Variants in FILIP1L observed in about 807,000 individuals in gnomAD.
FILIP1L encodes the protein filamin A-interacting protein 1-like.
FILIP1L carries 55 observed loss-of-function variants against 96.6 expected under a neutral mutation model. That is an observed-to-expected ratio of 0.57 (90% confidence interval 0.46 to 0.71). FILIP1L has a LOEUF of 0.71. FILIP1L is among the 30% of genes least tolerant of loss of function. The pLI is 0.00. For missense variants in FILIP1L, 1,304 were observed against 1,321.2 expected (o/e 0.99, Z 0.20); for synonymous variants, 467 against 473.9 (o/e 0.99, Z 0.19).
rs373624703 is a variant in FILIP1L, at chr3:100,013,895, A to G, written c.-10-82865T>C. On this transcript the variant is annotated intron_variant, in intron 1 of 5. Transcript: ENST00000477258. ...GTTAACTATAGTCACCGTGCTTCAC[A>G]ATAGATCAACAGAATTCCTGTCTAA... 2.6e-5 allele frequency among the ~76,000 whole-genome samples: 4 copies of G among 152,246 alleles called. No individual in the cohort carries two copies. In the East Asian group the frequency reaches 5.8e-4, roughly 22 times the overall value.
At position 100,104,651 on chromosome 3, in the gene FILIP1L, C is replaced by T. The variant is rs140945117; in HGVS notation, c.-11+9402G>A. ...GAATCTAAAAGTTAAGCTTGAGGGC[C>T]TTTTCCTGTTTTGCAGGAGTAGTAG... On this transcript the variant is annotated intron_variant, in intron 1 of 5. Transcript: ENST00000477258. Among the ~76,000 whole-genome samples, 1,100 of 152,226 alleles carry T rather than the reference C, an allele frequency of 7.2e-3. 18 individuals are homozygous for T. The highest frequency in any genetic ancestry group is 0.024 in the African/African-American group (1,014 of 41,538).
intron 1 of FILIP1L, among the ~76,000 whole-genome samples, chr3:99,991,714 T>TG: frequency 6.6e-6 from 1 of 152,084 alleles, no homozygotes; most frequent in South Asian, 2.1e-4. Flanking sequence ...ATTTGACTGT[T>TG]GCTGCGTTAT....
chr3:99,907,372 C>G (rs1349157668), intron 4 of FILIP1L, among the ~76,000 whole-genome samples: 1 of 152,096 alleles, frequency 6.6e-6, no homozygotes, highest in African/African-American at 2.4e-5. Context: ...CTCAGCCTCC[C>G]CAACAGCTGG....
At chr3:99,897,795 G>A (rs1055978701) in intron 4 of FILIP1L, among the ~76,000 whole-genome samples, 8 of 152,086 alleles carry the variant, frequency 5.3e-5, no homozygotes, top group Non-Finnish European at 1.0e-4. Flanking sequence ...GATCATAGAG[G>A]GATTCTGTAA....
chr3:100,074,018 G>C (rs1156756681), intron 1 of FILIP1L, among the ~76,000 whole-genome samples: 1 of 152,152 alleles, frequency 6.6e-6, no homozygotes, highest in East Asian at 1.9e-4. Context: ...TCAAGTAAAA[G>C]CAAGTCGTCT....
At chr3:100,071,619 G>C (rs184688408) in intron 1 of FILIP1L, among the ~76,000 whole-genome samples, 180 of 152,258 alleles carry the variant, frequency 1.2e-3, no homozygotes, top group Admixed American at 3.8e-3. Context: ...GGCCAGTGTT[G>C]GAAGTCAACT....
At position 99,930,984 on chromosome 3, in the gene FILIP1L, G is replaced by A. The variant is rs1707464294; in HGVS notation, c.37C>T (p.Gln13Ter). The stretch of plus-strand genomic sequence containing the variant: ...TTAGTATGTCTTGGAAATTTCTTTT[G>A]GGCTGAGCCCTCGGTATCACTGCCT... ...SRGSDTEGSA[Q>*]KKFPRHTKGH... is the part of the protein sequence containing the mutation. The change falls in exon 2 of 6, where the codon CAA becomes TAA. Residue 13 changes from glutamine to a stop codon, truncating the protein, a stop_gained. Transcript: ENST00000477258. LOFTEE classifies it high-confidence loss of function. 1 of 1,613,338 alleles carries A rather than the reference G, an allele frequency of 6.2e-7. No homozygotes were observed.
chr3:99,869,616 A>G (rs889625080), intron 4 of FILIP1L, among the ~76,000 whole-genome samples: 1 of 152,068 alleles, frequency 6.6e-6, no homozygotes, highest in Non-Finnish European at 1.5e-5. Flanking sequence ...GAAACCAGCA[A>G]CTTTCTCATG....
At chr3:99,991,002 C>T (rs956223772) in intron 1 of FILIP1L, among the ~76,000 whole-genome samples, 14 of 152,052 alleles carry the variant, frequency 9.2e-5, no homozygotes, top group African/African-American at 3.4e-4. Flanking sequence ...TACAGGTGCT[C>T]CAGAAATATC....
rs1344265380 is a variant in FILIP1L, at chr3:99,924,257, A to G, written c.578T>C (p.Ile193Thr). 3.7e-6 allele frequency: 6 copies of G among 1,613,834 alleles called. No individual in the cohort carries two copies. Among genetic ancestry groups the G allele is most frequent in the South Asian group, 1.1e-5 (1 of 91,000 alleles). ...TTCACATTCCTGTTCTAGTAGGCATATGAATTCATCACTCTTCTCCATGTA... is the reference window on the plus strand; with the variant it reads ...TTCACATTCCTGTTCTAGTAGGCATGTGAATTCATCACTCTTCTCCATGTA... ...KEYMEKSDEF[I>T]CLLEQECERL... is the part of the protein sequence containing the mutation. The change falls in exon 4 of 6, where the codon ATA (isoleucine) becomes ACA (threonine). Residue 193 changes from isoleucine (I) to threonine (T), a missense_variant. Coordinates refer to ENST00000477258, the MANE Select transcript of FILIP1L (RefSeq NM_001387850.1).
chr3:100,019,822 A>G (rs2064774985), intron 1 of FILIP1L, among the ~76,000 whole-genome samples: 1 of 152,186 alleles, frequency 6.6e-6, no homozygotes, highest in Non-Finnish European at 1.5e-5. Flanking sequence ...ATCCAACTTC[A>G]TGACTTATTT....
At chr3:100,031,830 T>C (rs1309860780) in intron 1 of FILIP1L, among the ~76,000 whole-genome samples, 1 of 152,144 alleles carries the variant, frequency 6.6e-6, no homozygotes, top group East Asian at 1.9e-4. Context: ...ATAGGAAATA[T>C]TTTAGGCCTT....
intron 4 of FILIP1L, among the ~76,000 whole-genome samples, chr3:99,909,400 C>A (rs574083321): frequency 1.4e-4 from 22 of 152,138 alleles, no homozygotes; most frequent in African/African-American, 5.3e-4. Context: ...AGCCTTGGGT[C>A]AGGTGAGGGG....
chr3:100,072,483 T>C (rs1326438163), intron 1 of FILIP1L, among the ~76,000 whole-genome samples: 1 of 152,206 alleles, frequency 6.6e-6, no homozygotes, highest in African/African-American at 2.4e-5. Context: ...CTCTTATGAC[T>C]GATTTCATCA....
intron 1 of FILIP1L, among the ~76,000 whole-genome samples, chr3:100,015,030 T>C (rs2107209764): frequency 6.6e-6 from 1 of 151,826 alleles, no homozygotes; most frequent in African/African-American, 2.4e-5. Flanking sequence ...TTTCAGGTTT[T>C]ACATTTAAGG....
rs1256191429 is a variant in FILIP1L, at chr3:100,021,954, TGTGTGTGAGAGAGAGAGAGA to T, written c.-10-90944_-10-90925del. Among the ~76,000 whole-genome samples the T allele has an allele frequency of 1.5e-3, 176 of 114,386 alleles. 2 individuals are homozygous for T. The East Asian group carries it at 0.035, about 23-fold the overall frequency. 75.0% of individuals were successfully genotyped at this position (114,386 alleles called of 152,430 possible). On this transcript the variant is annotated intron_variant, in intron 1 of 5. Transcript: ENST00000477258. ...GTGTGTGTGTGTGTGTGTGTGTGTG[TGTGTGTGAGAGAGAGAGAGA>T]GAGAGAGAGAGAGAGAGAGATATGA...
intron 3 of FILIP1L, chr3:99,925,885 C>T: frequency 1.0e-6 from 1 of 985,384 alleles, no homozygotes; most frequent in Non-Finnish European, 1.2e-6. Context: ...TGGCCTTGAG[C>T]TCCATTTTGC....
At chr3:100,054,876 G>A (rs545555710) in intron 1 of FILIP1L, among the ~76,000 whole-genome samples, 9 of 152,170 alleles carry the variant, frequency 5.9e-5, no homozygotes, top group Admixed American at 1.3e-4. Flanking sequence ...GAAGTATGAG[G>A]TCATTTCAAA....
At chr3:100,019,175 G>A (rs1386241148) in intron 1 of FILIP1L, among the ~76,000 whole-genome samples, 5 of 152,026 alleles carry the variant, frequency 3.3e-5, no homozygotes, top group African/African-American at 1.2e-4. Context: ...TCCATTTCTG[G>A]GCATATATCC....
Sources: gnomAD v4.1 joint callset for allele counts (sites outside exome capture counted in the v4.1 genomes callset) on GRCh38, gnomAD v4.1.1 for gene constraint, MANE v1.5 for transcripts, NCBI Gene and HGNC (gene_info 2026-07-23, HGNC 2026-07-21) for gene names.